The following DCLK1 variants were observed in gnomAD, a reference collection of about 807,000 sequenced individuals.
The protein encoded by DCLK1 is doublecortin like kinase 1, also known as serine/threonine-protein kinase DCLK1.
A neutral mutation model predicts 86.2 loss-of-function variants in DCLK1; 16 were observed. That is an observed-to-expected ratio of 0.19 (90% CI 0.13 to 0.28). The LOEUF (loss-of-function observed/expected upper bound fraction) is 0.28, where lower values mean the gene tolerates loss of function less well. DCLK1 is among the 10% of genes least tolerant of loss of function. The pLI is 1.00. For missense variants in DCLK1, 590 were observed against 940.2 expected, an observed-to-expected ratio of 0.63 and a Z score of 4.87; for synonymous variants, 369 against 370.5, an observed-to-expected ratio of 1.00 and a Z score of 0.05.
At chr13:35,988,607 A>G (rs1880057294) in intron 3 of DCLK1, among the ~76,000 whole-genome samples, 2 of 152,252 alleles carry the variant, frequency 1.3e-5, no homozygotes, top group South Asian at 4.1e-4. Context: ...CCCCCACTGC[A>G]TGCAGATGGC....
chr13:35,785,185 T>TG (rs1404525802), intron 16 of DCLK1, among the ~76,000 whole-genome samples: 2 of 152,244 alleles, frequency 1.3e-5, no homozygotes, highest in Non-Finnish European at 2.9e-5. Context: ...TTCTAGCTGT[T>TG]GCCCTGTTCT....
At chr13:35,899,970 T>C (rs1053248098) in intron 4 of DCLK1, among the ~76,000 whole-genome samples, 1 of 152,182 alleles carries the variant, frequency 6.6e-6, no homozygotes. Context: ...AAACCAAATC[T>C]ATGTACAGCT....
chr13:36,088,682 C>T (rs992535543), intron 3 of DCLK1, among the ~76,000 whole-genome samples: 5 of 152,190 alleles, frequency 3.3e-5, no homozygotes, highest in Non-Finnish European at 7.3e-5. Context: ...CGAGACGTGC[C>T]GGGGTTCCCG....
At chr13:36,111,340 G>A (rs1053234176) in intron 3 of DCLK1, among the ~76,000 whole-genome samples, 25 of 152,056 alleles carry the variant, frequency 1.6e-4, no homozygotes, top group African/African-American at 4.1e-4. Context: ...TACAAGATGC[G>A]TACTATTCTA....
chr13:36,084,860 C>T (rs1026402411), intron 3 of DCLK1, among the ~76,000 whole-genome samples: 1 of 152,026 alleles, frequency 6.6e-6, no homozygotes, highest in African/African-American at 2.4e-5. Flanking sequence ...AAGTACTTTC[C>T]CATCAGAAAT....
intron 6 of DCLK1, among the ~76,000 whole-genome samples, chr13:35,845,512 C>T (rs1002823141): frequency 5.3e-5 from 8 of 152,108 alleles, no homozygotes; most frequent in African/African-American, 1.9e-4. Flanking sequence ...ATTAGATCAC[C>T]TTGGGAAAAA....
intron 4 of DCLK1, among the ~76,000 whole-genome samples, chr13:35,915,020 G>T (rs1271210556): frequency 6.6e-6 from 1 of 152,170 alleles, no homozygotes; most frequent in African/African-American, 2.4e-5. Flanking sequence ...AACATTTATT[G>T]TTGCATTATG....
intron 6 of DCLK1, among the ~76,000 whole-genome samples, chr13:35,852,836 C>A (rs148354061): frequency 6.6e-6 from 1 of 152,110 alleles, no homozygotes. Context: ...CCATTTGCAG[C>A]GGGAATTCCC....
chr13:35,942,418 C>T (rs1164605056), intron 4 of DCLK1, among the ~76,000 whole-genome samples: 2 of 152,124 alleles, frequency 1.3e-5, no homozygotes, highest in African/African-American at 4.8e-5. Context: ...CTTCTGACCT[C>T]GTGATCCACC....
chr13:35,917,287 T>C (rs972851890), intron 4 of DCLK1, among the ~76,000 whole-genome samples: 1 of 152,258 alleles, frequency 6.6e-6, no homozygotes, highest in Admixed American at 6.5e-5. Context: ...CAGCCATGAA[T>C]CTACAATTGG....
intron 5 of DCLK1, among the ~76,000 whole-genome samples, chr13:35,857,372 A>G (rs953978407): frequency 2.0e-5 from 3 of 152,266 alleles, no homozygotes; most frequent in African/African-American, 7.2e-5. Flanking sequence ...ATGTGCACCC[A>G]GAGGACCACC....
At chr13:35,991,629 A>G (rs1403313726) in intron 3 of DCLK1, among the ~76,000 whole-genome samples, 2 of 152,208 alleles carry the variant, frequency 1.3e-5, no homozygotes, top group African/African-American at 4.8e-5. Context: ...ATACCACTGC[A>G]CTAGAACCTG....
chr13:36,006,860 A>G (rs971494165), intron 3 of DCLK1, among the ~76,000 whole-genome samples: 1 of 152,212 alleles, frequency 6.6e-6, no homozygotes, highest in Non-Finnish European at 1.5e-5. Flanking sequence ...GGACTATGAT[A>G]TTACTATGAG....
intron 7 of DCLK1, among the ~76,000 whole-genome samples, chr13:35,838,497 G>T (rs138516679): frequency 6.6e-6 from 1 of 152,162 alleles, no homozygotes; most frequent in Non-Finnish European, 1.5e-5. Flanking sequence ...GAAGTAAGAC[G>T]CAGAGAGTTG....
At chr13:35,992,760 C>G (rs1242426788) in intron 3 of DCLK1, among the ~76,000 whole-genome samples, 1 of 152,142 alleles carries the variant, frequency 6.6e-6, no homozygotes, top group African/African-American at 2.4e-5. Context: ...TGGAAAATGT[C>G]CTAGGTTGGA....
chr13:36,121,281 T>C (rs779865845), intron 2 of DCLK1, among the ~76,000 whole-genome samples: 36 of 152,196 alleles, frequency 2.4e-4, no homozygotes, highest in Non-Finnish European at 4.0e-4. Context: ...CATAAAAAGT[T>C]ACCTTCTGGG....
chr13:35,883,743 T>C (rs941455246), intron 4 of DCLK1, among the ~76,000 whole-genome samples: 2 of 152,046 alleles, frequency 1.3e-5, no homozygotes, highest in African/African-American at 2.4e-5. Flanking sequence ...TAGAAACGGA[T>C]AGAAAACAAT....
chr13:36,075,929 G>A (rs1163792414), intron 3 of DCLK1, among the ~76,000 whole-genome samples: 1 of 152,122 alleles, frequency 6.6e-6, no homozygotes, highest in African/African-American at 2.4e-5. Flanking sequence ...GGAGGCTGAG[G>A]CTGGAGAATC....
At chr13:35,849,632 G>C (rs928838333) in intron 6 of DCLK1, 17 of 980,334 alleles carry the variant, frequency 1.7e-5, no homozygotes, top group Non-Finnish European at 1.9e-5. Flanking sequence ...GACTAGAAGA[G>C]CAGAATTAGT....
Sources: allele counts gnomAD v4.1 joint callset (sites outside exome capture counted in the v4.1 genomes callset), GRCh38; gene constraint gnomAD v4.1.1; transcripts MANE v1.5; gene names NCBI Gene and HGNC (gene_info 2026-07-23, HGNC 2026-07-21).